The following NTN1 variants were observed in gnomAD, a reference collection of about 807,000 sequenced individuals.
NTN1 encodes the protein netrin-1.
A neutral mutation model predicts 54.2 loss-of-function variants in NTN1; 11 were observed. The observed-to-expected ratio is 0.20, with a 90% confidence interval of 0.13 to 0.34. NTN1 has a LOEUF of 0.34. NTN1 is among the 10% of genes least tolerant of loss of function. The pLI is 1.00. For synonymous variants in NTN1, 371 were observed against 382.0 expected (o/e 0.97, Z 0.33); for missense variants, 740 against 893.1 (o/e 0.83, Z 2.18).
chr17:9,096,666 C>T (rs565537588), intron 2 of NTN1, among the ~76,000 whole-genome samples: 5 of 152,230 alleles, frequency 3.3e-5, no homozygotes, highest in East Asian at 1.9e-4. Context: ...CCACCGCACC[C>T]AGCCCATCAT....
chr17:9,083,377 T>C (rs1170346055), intron 2 of NTN1, among the ~76,000 whole-genome samples: 1 of 152,246 alleles, frequency 6.6e-6, no homozygotes, highest in Non-Finnish European at 1.5e-5. Flanking sequence ...GTTATGGGCG[T>C]GAGCCACTAC....
chr17:9,215,285 A>ACACACG lies in NTN1; in HGVS notation c.1412-5879_1412-5878insCGCACA, dbSNP rs1555577280. 7.8e-3 allele frequency among the ~76,000 whole-genome samples: 1,188 copies of ACACACG among 151,444 alleles called. 8 individuals carry two copies. Among genetic ancestry groups the ACACACG allele is most frequent in the Middle Eastern group, 0.014 (4 of 294 alleles). Reference sequence around the variant, plus strand: ...CACACACACACACACACACACACACACACATACACACATGGGGACAGAGAA... The same window carrying ACACACG: ...CACACACACACACACACACACACACACACACGCACATACACACATGGGGACAGAGAA... On this transcript the variant is annotated intron_variant, in intron 5 of 6. Coordinates refer to ENST00000173229, the MANE Select transcript of NTN1 (RefSeq NM_004822.3).
chr17:9,115,907 A>G (rs1037905346), intron 2 of NTN1, among the ~76,000 whole-genome samples: 2 of 152,204 alleles, frequency 1.3e-5, no homozygotes, highest in Non-Finnish European at 2.9e-5. Flanking sequence ...TCCCTCTATG[A>G]ACAGTCGGAG....
intron 5 of NTN1, among the ~76,000 whole-genome samples, chr17:9,189,508 C>G (rs547894239): frequency 6.6e-6 from 1 of 152,080 alleles, no homozygotes; most frequent in Non-Finnish European, 1.5e-5. Flanking sequence ...CGTGCCACTA[C>G]GCCTGGCTAA....
At chr17:9,007,132 TTC>T in the NTN1 span, among the ~76,000 whole-genome samples, 1 of 152,148 alleles carries the variant, frequency 6.6e-6, no homozygotes, top group Non-Finnish European at 1.5e-5. Flanking sequence ...CTCTCTTTCT[TTC>T]TTTCTCTTTT....
intron 6 of NTN1, among the ~76,000 whole-genome samples, chr17:9,234,090 C>A (rs540330264): frequency 6.6e-6 from 1 of 152,354 alleles, no homozygotes; most frequent in South Asian, 2.1e-4. Context: ...CTCCTCGGAG[C>A]CACGGCCAGC....
chr17:9,224,811 G>GGGGGC (rs71361878), intron 6 of NTN1, among the ~76,000 whole-genome samples: 2 of 151,368 alleles, frequency 1.3e-5, no homozygotes, highest in Non-Finnish European at 3.0e-5. Context: ...GGGTGGGGGG[G>GGGGGC]CACAGTGGGA....
chr17:9,128,345 G>A (rs987124155), intron 2 of NTN1, among the ~76,000 whole-genome samples: 4 of 150,270 alleles, frequency 2.7e-5, no homozygotes, highest in Admixed American at 6.6e-5. Context: ...AGGCTGCCCC[G>A]ACCTCTGCTC....
chr17:9,138,065 G>A (rs1340953475), intron 2 of NTN1, among the ~76,000 whole-genome samples: 3 of 152,182 alleles, frequency 2.0e-5, no homozygotes, highest in African/African-American at 7.2e-5. Flanking sequence ...AGGTGAGAGC[G>A]GGCCTCTGAA....
chr17:9,057,325 G>T (rs2091982590), intron 2 of NTN1, among the ~76,000 whole-genome samples: 1 of 152,028 alleles, frequency 6.6e-6, no homozygotes, highest in African/African-American at 2.4e-5. Flanking sequence ...GGGGTATGTT[G>T]GCTGAAATAA....
Position 9,022,463 on chromosome 17 carries a change from G to C in NTN1, c.90G>C (p.Met30Ile). 1 of 1,518,238 alleles carries C rather than the reference G, an allele frequency of 6.6e-7. No homozygotes were observed. The highest frequency in any genetic ancestry group is 8.8e-7 in the Non-Finnish European group (1 of 1,138,674). 94.0% of individuals were successfully genotyped at this position (1,518,238 alleles called of 1,614,324 possible). A position where few individuals can be genotyped will look rare whatever the true frequency, so the allele number is the denominator to read the frequency against. The change falls in exon 2 of 7, where the codon ATG (methionine) becomes ATC (isoleucine). Residue 30 changes from methionine to isoleucine, a missense_variant. Physicochemically the swap from Met to Ile is conservative, Grantham distance 10. Coordinates refer to ENST00000173229, the MANE Select transcript of NTN1 (RefSeq NM_004822.3). ...GAVRGGPGLS[M>I]FAGQAAQPDP... Reference sequence around the variant, plus strand: ...TGCGCGGCGGGCCCGGGCTCAGCATGTTCGCGGGCCAGGCGGCGCAGCCCG... The same window carrying C: ...TGCGCGGCGGGCCCGGGCTCAGCATCTTCGCGGGCCAGGCGGCGCAGCCCG...
chr17:9,067,640 C>T (rs910424641), intron 2 of NTN1, among the ~76,000 whole-genome samples: 2 of 152,230 alleles, frequency 1.3e-5, no homozygotes, highest in Non-Finnish European at 2.9e-5. Flanking sequence ...TGAGGCCCTT[C>T]TTGGTCTGTC....
chr17:9,221,479 C>T lies in NTN1; in HGVS notation c.1486+237C>T, dbSNP rs1905351429. Among the ~76,000 whole-genome samples, 1 of 152,212 alleles carries T rather than the reference C, an allele frequency of 6.6e-6. No individual in the cohort carries two copies. Among genetic ancestry groups the T allele is most frequent in the East Asian group, 1.9e-4 (1 of 5,186 alleles). ...GTTTCTCCCCTTCACCCTCCTGAGG[C>T]TGGGACACCCAGGCTGGCCTCTGGC... On this transcript the variant is annotated intron_variant, in intron 6 of 6. Transcript: ENST00000173229. The surrounding 1 kb of genome is among the most constrained non-coding windows in gnomAD (Gnocchi z 4.5).
intron 5 of NTN1, among the ~76,000 whole-genome samples, chr17:9,193,938 A>AAAAAAACAAAAAAC (rs1555575004): frequency 3.0e-4 from 33 of 108,380 alleles, no homozygotes; most frequent in South Asian, 7.4e-4. Flanking sequence ...AAAAAAAAAA[A>AAAAAAACAAAAAAC]AAAAAACATT....
rs533233502 is a variant in NTN1 at position 9,203,621 on chromosome 17, A to G, written c.1412-17547A>G. ...TGAGAGCAGCCTGGCCAACATGGTG[A>G]AACCCTGTTTCTACTAAAAAATACA... is the stretch of plus-strand genomic sequence containing the variant. On this transcript the variant is annotated intron_variant, in intron 5 of 6. Transcript: ENST00000173229. 2.0e-5 allele frequency among the ~76,000 whole-genome samples: 3 copies of G among 152,046 alleles called. No individual in the cohort carries two copies. In the East Asian group the frequency reaches 5.9e-4, roughly 30 times the overall value.
chr17:9,146,917 C>G (rs1052226542), intron 2 of NTN1, among the ~76,000 whole-genome samples: 1 of 152,050 alleles, frequency 6.6e-6, no homozygotes, highest in Admixed American at 6.6e-5. Flanking sequence ...GGGTAATACC[C>G]CGGCATCGGT....
chr17:9,061,591 A>G (rs888795857), intron 2 of NTN1, among the ~76,000 whole-genome samples: 2 of 152,202 alleles, frequency 1.3e-5, no homozygotes, highest in Non-Finnish European at 2.9e-5. Flanking sequence ...ATATCTAACA[A>G]GTGCCCAGGT....
At chr17:9,018,495 G>A (rs1157243344), upstream of NTN1, among the ~76,000 whole-genome samples, 3 of 151,978 alleles carry the variant, frequency 2.0e-5, no homozygotes, top group Non-Finnish European at 4.4e-5. Context: ...TTAGCCAGGT[G>A]TGGTGGTGGG....
the NTN1 span, among the ~76,000 whole-genome samples, chr17:9,010,824 G>A: frequency 6.6e-6 from 1 of 152,108 alleles, no homozygotes; most frequent in East Asian, 1.9e-4. Context: ...TGGGCGTGGG[G>A]GTAGGGGATA....
Sources: gnomAD v4.1 joint callset for allele counts (sites outside exome capture counted in the v4.1 genomes callset) on GRCh38, gnomAD v4.1.1 for gene constraint, Gnocchi (gnomAD v3.1) non-coding constraint, MANE v1.5 for transcripts, NCBI Gene and HGNC (gene_info 2026-07-23, HGNC 2026-07-21) for gene names.